OSBP2: variants seen among roughly 807,000 people sequenced by gnomAD.
OSBP2 encodes oxysterol-binding protein 2.
A neutral mutation model predicts 96.0 loss-of-function variants in OSBP2; 66 were observed. That is an observed-to-expected ratio of 0.69 (90% CI 0.56 to 0.84). OSBP2 has a LOEUF of 0.84. OSBP2 is among the 40% of genes least tolerant of loss of function. OSBP2 has a pLI of 0.00. For missense variants in OSBP2, 1,038 were observed against 1,222.7 expected (o/e 0.85, Z 2.25); for synonymous variants, 525 against 520.9 (o/e 1.01, Z -0.11).
Position 30,881,947 on chromosome 22 carries a change from C to A in OSBP2, c.1108-5479C>A. The A allele has an allele frequency of 1.6e-6, 1 of 637,756 alleles. No homozygotes were observed. Among genetic ancestry groups the A allele is most frequent in the Non-Finnish European group, 2.4e-6 (1 of 420,760 alleles). 39.5% of individuals were successfully genotyped at this position (637,756 alleles called of 1,614,324 possible). On this transcript the variant is annotated intron_variant, in intron 3 of 13. Coordinates refer to ENST00000332585, the MANE Select transcript of OSBP2 (RefSeq NM_030758.4). This position sits in a 1 kb window ranked among gnomAD's most constrained non-coding sequence, Gnocchi z 4.5. The stretch of plus-strand genomic sequence containing the variant: ...GGGCACAGCAGTTTTCACCCTGCCC[C>A]GCTTTTAGGTGACTGTGACACTCTA...
At chr22:30,792,388 T>C (rs1442184720) in intron 2 of OSBP2, among the ~76,000 whole-genome samples, 1 of 152,222 alleles carries the variant, frequency 6.6e-6, no homozygotes, top group African/African-American at 2.4e-5. Flanking sequence ...AAGTATTTTT[T>C]TCATCCACCA....
chr22:30,713,423 T>C (rs1377907751), intron 1 of OSBP2, among the ~76,000 whole-genome samples: 3 of 151,420 alleles, frequency 2.0e-5, no homozygotes, highest in Admixed American at 1.3e-4. Context: ...CTAACATGGG[T>C]TGGGAACCAA....
At chr22:30,800,544 G>A (rs962067778) in intron 2 of OSBP2, among the ~76,000 whole-genome samples, 2 of 152,192 alleles carry the variant, frequency 1.3e-5, no homozygotes, top group African/African-American at 4.8e-5. Context: ...GATACAGGTG[G>A]CATTCCAGGC....
chr22:30,787,374 G>T (rs1159480528), intron 2 of OSBP2, among the ~76,000 whole-genome samples: 4 of 151,852 alleles, frequency 2.6e-5, no homozygotes, highest in African/African-American at 9.7e-5. Context: ...TTACTATCAC[G>T]AGAATAGAAT....
intron 2 of OSBP2, among the ~76,000 whole-genome samples, chr22:30,858,438 G>A (rs1005462108): frequency 1.5e-4 from 23 of 151,882 alleles, no homozygotes; most frequent in African/African-American, 3.9e-4. Context: ...GAGCCACCGC[G>A]CCCGGCCTCA....
At chr22:30,847,395 A>G (rs1340191794) in intron 2 of OSBP2, among the ~76,000 whole-genome samples, 1 of 151,266 alleles carries the variant, frequency 6.6e-6, no homozygotes, top group Non-Finnish European at 1.5e-5. Flanking sequence ...AATTCTTTTG[A>G]CTCAGCCTCC....
intron 1 of OSBP2, among the ~76,000 whole-genome samples, chr22:30,702,648 A>C (rs1223006306): frequency 6.6e-6 from 1 of 152,066 alleles, no homozygotes; most frequent in East Asian, 1.9e-4. Context: ...AAAACAAAAC[A>C]AAACAGTACC....
At chr22:30,880,061 T>C (rs1459893177) in intron 3 of OSBP2, among the ~76,000 whole-genome samples, 1 of 150,068 alleles carries the variant, frequency 6.7e-6, no homozygotes, top group Non-Finnish European at 1.5e-5. Flanking sequence ...AAAAAAAAAA[T>C]AGGTGAGGCC....
intron 2 of OSBP2, among the ~76,000 whole-genome samples, chr22:30,831,466 C>T (rs1159921701): frequency 6.6e-6 from 1 of 152,166 alleles, no homozygotes; most frequent in Non-Finnish European, 1.5e-5. Flanking sequence ...CCAGACAGGA[C>T]TTCTTGGGAC....
chr22:30,774,269 CT>C (rs2145794897), intron 2 of OSBP2, among the ~76,000 whole-genome samples: 1 of 152,350 alleles, frequency 6.6e-6, no homozygotes, highest in Non-Finnish European at 1.5e-5. Flanking sequence ...CTGACATCCA[CT>C]GCGGGGACAA....
intron 1 of OSBP2, among the ~76,000 whole-genome samples, chr22:30,697,666 G>C (rs1046019404): frequency 1.3e-5 from 2 of 152,222 alleles, no homozygotes; most frequent in East Asian, 1.9e-4. Context: ...ATAAATGCTA[G>C]TTTTGTGGGG....
chr22:30,799,018 A>AAC (rs1423138929), intron 2 of OSBP2, among the ~76,000 whole-genome samples: 3 of 151,332 alleles, frequency 2.0e-5, no homozygotes, highest in Non-Finnish European at 3.0e-5. Flanking sequence ...TGTCTCAAAA[A>AAC]AAAAAAAAAA....
intron 2 of OSBP2, among the ~76,000 whole-genome samples, chr22:30,835,169 AT>A (rs535760163): frequency 1.3e-5 from 2 of 151,402 alleles, no homozygotes; most frequent in Admixed American, 6.6e-5. Context: ...TAATTTATCT[AT>A]TTTTTTTGTT....
upstream of OSBP2, chr22:30,694,146 C>G (rs2088975285): frequency 5.2e-6 from 8 of 1,549,914 alleles, 1 homozygote; most frequent in South Asian, 9.5e-5. Context: ...CAGAATCCCA[C>G]TTTGAGATGT....
intron 2 of OSBP2, among the ~76,000 whole-genome samples, chr22:30,774,396 A>T (rs2090400522): frequency 6.6e-6 from 1 of 152,200 alleles, no homozygotes; most frequent in South Asian, 2.1e-4. Flanking sequence ...GGTGACGGTC[A>T]TTGTGGAGAG....
intron 1 of OSBP2, among the ~76,000 whole-genome samples, chr22:30,739,178 C>CT (rs1454490178): frequency 1.3e-5 from 2 of 152,176 alleles, no homozygotes; most frequent in Non-Finnish European, 2.9e-5. Context: ...ATGGCATACA[C>CT]TTTAGTCACC....
chr22:30,811,946 T>C (rs2091013867), intron 2 of OSBP2, among the ~76,000 whole-genome samples: 1 of 151,372 alleles, frequency 6.6e-6, no homozygotes, highest in Non-Finnish European at 1.5e-5. Context: ...AGTCTTGACC[T>C]CCTGGCTCAA....
chr22:30,694,340 G>T, upstream of OSBP2: 1 of 1,544,804 alleles, frequency 6.5e-7, no homozygotes, highest in Non-Finnish European at 8.7e-7. Flanking sequence ...GCGACCCACA[G>T]ACAGGTAATG....
At chr22:30,762,571 G>A (rs2090219959) in intron 2 of OSBP2, among the ~76,000 whole-genome samples, 1 of 152,148 alleles carries the variant, frequency 6.6e-6, no homozygotes, top group African/African-American at 2.4e-5. Context: ...TTTGATTTAT[G>A]TCTCTTCTCT....
Sources: gnomAD v4.1 joint callset for allele counts (sites outside exome capture counted in the v4.1 genomes callset) on GRCh38, gnomAD v4.1.1 for gene constraint, Gnocchi (gnomAD v3.1) non-coding constraint, MANE v1.5 for transcripts, NCBI Gene and HGNC (gene_info 2026-07-23, HGNC 2026-07-21) for gene names.